The following CNTN3 variants were observed in gnomAD, a reference collection of about 807,000 sequenced individuals.
The protein encoded by CNTN3 is contactin 3.
Under a neutral mutation model 119.1 loss-of-function variants are expected in CNTN3, and 60 were observed. That is an observed-to-expected ratio of 0.50 (90% CI 0.41 to 0.62). The LOEUF is 0.62. Among genes scored for constraint, CNTN3 ranks in the 20% least tolerant of loss-of-function variants. The probability of loss-of-function intolerance (pLI) is 0.00; values close to 1 mark genes in which losing one functional copy is unlikely to be tolerated. For synonymous variants in CNTN3, 450 were observed against 438.7 expected, an observed-to-expected ratio of 1.03 and a Z score of -0.32; for missense variants, 1,101 against 1,242.4, an observed-to-expected ratio of 0.89 and a Z score of 1.71.
intron 1 of CNTN3, among the ~76,000 whole-genome samples, chr3:74,598,192 A>C (rs541524136): frequency 3.3e-5 from 5 of 152,186 alleles, no homozygotes; most frequent in African/African-American, 1.2e-4. Context: ...TAGACTTAAG[A>C]GATTTTCCAG....
At chr3:74,376,918 C>CA (rs201691301) in intron 5 of CNTN3, among the ~76,000 whole-genome samples, 25 of 104,964 alleles carry the variant, frequency 2.4e-4, no homozygotes, top group African/African-American at 8.4e-4. Flanking sequence ...AACAAACAAA[C>CA]AAAAAAAACA....
chr3:74,299,742 G>A lies in CNTN3; in HGVS notation c.2166+126C>T, dbSNP rs1702415500. 7.9e-6 allele frequency: 5 copies of A among 633,978 alleles called. No homozygotes were observed. The Admixed American group carries it at 8.9e-5, about 11-fold the overall frequency. The allele number at this position is 633,978 out of a possible 1,614,324, so 39.3% of individuals were successfully genotyped here. On this transcript the variant is annotated intron_variant, in intron 17 of 22. Transcript: ENST00000263665. ...ACCTATATTACCACCAGCAGCAGCA[G>A]CACCCACCAGCCACACCCCCAGCAC...
chr3:74,532,100 G>A (rs1703700709), intron 1 of CNTN3, among the ~76,000 whole-genome samples: 1 of 151,962 alleles, frequency 6.6e-6, no homozygotes, highest in Non-Finnish European at 1.5e-5. Flanking sequence ...TGCTTTTCGT[G>A]ATGTTATCAA....
At chr3:74,549,193 T>C (rs1703954883) in intron 1 of CNTN3, among the ~76,000 whole-genome samples, 1 of 151,924 alleles carries the variant, frequency 6.6e-6, no homozygotes, top group African/African-American at 2.4e-5. Flanking sequence ...CGTAATAGAG[T>C]TCTCACAAGA....
At chr3:74,336,369 T>C (rs570503591) in intron 12 of CNTN3, among the ~76,000 whole-genome samples, 162 bp downstream of exon 12, 8 of 152,230 alleles carry the variant, frequency 5.3e-5, no homozygotes. Context: ...GCTAAGGAAA[T>C]ATTGTTCCCT....
chr3:74,467,970 T>C (rs1702494792), intron 4 of CNTN3, among the ~76,000 whole-genome samples: 3 of 152,210 alleles, frequency 2.0e-5, no homozygotes, highest in South Asian at 2.1e-4. Context: ...TCTACTTCTA[T>C]TGCAATGGCA....
At chr3:74,600,961 C>T (rs528615178) in intron 1 of CNTN3, among the ~76,000 whole-genome samples, 1 of 152,056 alleles carries the variant, frequency 6.6e-6, no homozygotes, top group South Asian at 2.1e-4. Context: ...TTTTAGCATA[C>T]AGCATCTCTC....
chr3:74,320,650 G>T (rs1036243786), intron 13 of CNTN3, among the ~76,000 whole-genome samples: 1 of 152,150 alleles, frequency 6.6e-6, no homozygotes, highest in African/African-American at 2.4e-5. Context: ...ATAAAAAAAT[G>T]CAGCTTTTCA....
intron 4 of CNTN3, among the ~76,000 whole-genome samples, chr3:74,478,529 C>A (rs1702702415): frequency 6.6e-6 from 1 of 152,112 alleles, no homozygotes. Context: ...TCCCAGGAGC[C>A]AGTGGAGGTT....
intron 1 of CNTN3, among the ~76,000 whole-genome samples, chr3:74,543,657 T>C: frequency 6.6e-6 from 1 of 152,314 alleles, no homozygotes; most frequent in South Asian, 2.1e-4. Flanking sequence ...CGTATAGATA[T>C]TAATTTGTAC....
At chr3:74,600,422 A>G (rs533602468) in intron 1 of CNTN3, among the ~76,000 whole-genome samples, 2 of 152,204 alleles carry the variant, frequency 1.3e-5, no homozygotes, top group South Asian at 4.1e-4. Flanking sequence ...AGAATGAAAA[A>G]TGCACTGCTT....
intron 13 of CNTN3, among the ~76,000 whole-genome samples, chr3:74,322,818 G>A (rs1575725892): frequency 6.6e-6 from 1 of 152,266 alleles, no homozygotes; most frequent in Middle Eastern, 3.4e-3. Flanking sequence ...GCACTAAAAT[G>A]AGCTGAGATA....
In CNTN3 at chr3:74,486,624, G is replaced by T. The variant is rs554580928; in HGVS notation, c.190C>A (p.Leu64Met). 1.4e-4 allele frequency: 221 copies of T among 1,537,506 alleles called. 2 individuals are homozygous for T. The South Asian group carries it at 2.7e-3, about 19-fold the overall frequency. Residue 64 changes from leucine (L) to methionine (M), a missense_variant, in exon 4 of 23, where the codon CTG (leucine) becomes ATG (methionine). By Grantham distance (15) the Leu-to-Met change is conservative (BLOSUM62 2). Transcript: ENST00000263665. ...GNPSPHYRWQLNGSDIDMSME... is the reference protein window; with the variant it reads ...GNPSPHYRWQMNGSDIDMSME... ...CTCATATCAATATCACTTCCATTCA[G>T]CTGCCATCTGTAAAACAAATATCAA... is the stretch of plus-strand genomic sequence containing the variant.
At chr3:74,594,617 G>C (rs575222185) in intron 1 of CNTN3, among the ~76,000 whole-genome samples, 1 of 152,216 alleles carries the variant, frequency 6.6e-6, no homozygotes, top group African/African-American at 2.4e-5. Context: ...CCCTACAAAG[G>C]ACATGAACTC....
At chr3:74,578,809 A>C (rs1056901919) in intron 1 of CNTN3, among the ~76,000 whole-genome samples, 21 of 152,076 alleles carry the variant, frequency 1.4e-4, no homozygotes, top group African/African-American at 4.6e-4. Context: ...TTAGTGAATT[A>C]ATATGAACTC....
chr3:74,352,314 A>G (rs988141684), intron 11 of CNTN3, among the ~76,000 whole-genome samples: 15 of 152,142 alleles, frequency 9.9e-5, no homozygotes, highest in Non-Finnish European at 1.5e-5. Flanking sequence ...CCCAAGGCTG[A>G]GACAGCATTT....
intron 1 of CNTN3, among the ~76,000 whole-genome samples, chr3:74,536,564 T>C (rs916171765): frequency 6.6e-6 from 1 of 152,108 alleles, no homozygotes; most frequent in Non-Finnish European, 1.5e-5. Flanking sequence ...CAGTGTTGTT[T>C]CTTCGGTACC....
intron 4 of CNTN3, among the ~76,000 whole-genome samples, chr3:74,441,458 G>C (rs1701965350): frequency 6.6e-6 from 1 of 152,136 alleles, no homozygotes. Context: ...AACAGCAAGA[G>C]AGCAATGAGT....
chr3:74,553,743 G>C (rs912450371), intron 1 of CNTN3, among the ~76,000 whole-genome samples: 4 of 152,104 alleles, frequency 2.6e-5, no homozygotes, highest in African/African-American at 9.7e-5. Flanking sequence ...CATGTCCTTT[G>C]CCCATTTTTT....
Sources: gnomAD v4.1 joint callset for allele counts (sites outside exome capture counted in the v4.1 genomes callset) on GRCh38, gnomAD v4.1.1 for gene constraint, MANE v1.5 for transcripts, NCBI Gene and HGNC (gene_info 2026-07-23, HGNC 2026-07-21) for gene names.